Variants in FOCAD observed in about 807,000 individuals in gnomAD.
FOCAD encodes the protein focadhesin, also known as KIAA1797.
Under a neutral mutation model 225.6 loss-of-function variants are expected in FOCAD, and 198 were observed. That is an observed-to-expected ratio of 0.88 (90% CI 0.78 to 0.99). The LOEUF is 0.99. FOCAD is among the 50% of genes least tolerant of loss of function. The probability of loss-of-function intolerance (pLI) is 0.00; values close to 1 mark genes in which losing one functional copy is unlikely to be tolerated. For missense variants in FOCAD, 2,713 were observed against 2,123.6 expected (o/e 1.28, Z -5.46); for synonymous variants, 897 against 755.0 (o/e 1.19, Z -3.08).
chr9:20,862,510 C>T, intron 15 of FOCAD, 68 bp from the exon 16 acceptor site: 4 of 1,525,550 alleles, frequency 2.6e-6, no homozygotes, highest in African/African-American at 1.4e-5. Context: ...AAATATAGTA[C>T]TCTTAATTAA....
At chr9:20,664,060 T>G (rs1001917985) in intron 2 of FOCAD, among the ~76,000 whole-genome samples, 1 of 152,100 alleles carries the variant, frequency 6.6e-6, no homozygotes, top group Non-Finnish European at 1.5e-5. Flanking sequence ...AGTGAAAATA[T>G]CAGCATTGTT....
At chr9:20,660,015 A>G (rs534248734) in intron 2 of FOCAD, among the ~76,000 whole-genome samples, 24 of 152,352 alleles carry the variant, frequency 1.6e-4, no homozygotes, top group African/African-American at 5.5e-4. Context: ...CTGAAGTAAG[A>G]AATATAGGAA....
At chr9:20,835,721 G>A (rs1393770974) in intron 15 of FOCAD, among the ~76,000 whole-genome samples, 1 of 152,086 alleles carries the variant, frequency 6.6e-6, no homozygotes, top group East Asian at 1.9e-4. Context: ...GTCTCCCAAA[G>A]TCTTGAGATG....
At chr9:20,732,944 A>T (rs55723044) in intron 4 of FOCAD, among the ~76,000 whole-genome samples, 45,953 of 151,972 alleles carry the variant, frequency 0.3, 7,712 homozygotes, top group Non-Finnish European at 0.37. Flanking sequence ...TCAATTTTGG[A>T]TGTGTTGAAT....
At chr9:20,915,409 C>G (rs530966729) in intron 23 of FOCAD, among the ~76,000 whole-genome samples, 1 of 152,108 alleles carries the variant, frequency 6.6e-6, no homozygotes, top group Non-Finnish European at 1.5e-5. Context: ...AGAGTAAAAT[C>G]TTAAAAGCCA....
intron 2 of FOCAD, chr9:20,716,184 G>T: frequency 2.1e-6 from 1 of 468,488 alleles, no homozygotes; most frequent in South Asian, 1.6e-5. Context: ...ACCTGGCTGG[G>T]TTGGAGTCAT....
rs535871475 is a variant in FOCAD at position 20,740,337 on chromosome 9, T to G, written c.389T>G (p.Ile130Ser). 6.5e-7 allele frequency: 1 copy of G among 1,541,256 alleles called. No individual in the cohort carries two copies. Among genetic ancestry groups the G allele is most frequent in the Admixed American group, 2.0e-5 (1 of 50,868 alleles). ...GEKNIQSIYTIRNHPHPLITV... is the reference protein window; with the variant it reads ...GEKNIQSIYTSRNHPHPLITV... ...AAGAATATTCAGAGTATATATACCA[T>G]TAGGTAAGCCTTTTTTCTGTTTTTT... is the stretch of plus-strand genomic sequence containing the variant. Residue 130 changes from isoleucine to serine, a missense_variant, in exon 5 of 44, where the codon ATT (isoleucine) becomes AGT (serine). By Grantham distance (142) the Ile-to-Ser change is moderately radical. Coordinates refer to ENST00000338382, the MANE Select transcript of FOCAD (RefSeq NM_001375567.1).
chr9:20,728,189 C>A (rs1395248902), intron 4 of FOCAD, among the ~76,000 whole-genome samples: 1 of 151,966 alleles, frequency 6.6e-6, no homozygotes, highest in Non-Finnish European at 1.5e-5. Context: ...ACCCATACTC[C>A]CTCTCATTAT....
chr9:20,954,469 A>T lies in FOCAD; in HGVS notation c.4132+1404A>T, dbSNP rs1040351985. On this transcript the variant is annotated intron_variant, in intron 35 of 43. Coordinates refer to ENST00000338382, the MANE Select transcript of FOCAD (RefSeq NM_001375567.1). ...AAAAACTCTTAAGGTCAAGTAGAAG[A>T]TAGACTCTTTTTCTTTTCTAGTGAA... 5.3e-5 allele frequency among the ~76,000 whole-genome samples: 8 copies of T among 152,320 alleles called. No individual in the cohort carries two copies. In the East Asian group the frequency reaches 1.5e-3, roughly 29 times the overall value.
intron 20 of FOCAD, among the ~76,000 whole-genome samples, chr9:20,883,974 G>T (rs558159835): frequency 6.6e-6 from 1 of 152,144 alleles, no homozygotes; most frequent in Non-Finnish European, 1.5e-5. Flanking sequence ...TTAACTGACC[G>T]TTGTGGAAAG....
intron 28 of FOCAD, among the ~76,000 whole-genome samples, chr9:20,942,741 C>G (rs974175052): frequency 6.6e-6 from 1 of 152,094 alleles, no homozygotes; most frequent in Non-Finnish European, 1.5e-5. Flanking sequence ...GGGAAAAAAA[C>G]AGAAAAGGTA....
chr9:20,691,493 A>T (rs1191013711), intron 1 of FOCAD, among the ~76,000 whole-genome samples: 1 of 151,236 alleles, frequency 6.6e-6, no homozygotes, highest in Non-Finnish European at 1.5e-5. Context: ...TTTTATTATT[A>T]TTTTTTGAGA....
At chr9:20,761,231 C>A (rs879380704) in intron 6 of FOCAD, among the ~76,000 whole-genome samples, 1 of 152,074 alleles carries the variant, frequency 6.6e-6, no homozygotes, top group African/African-American at 2.4e-5. Context: ...TGACTTTAAC[C>A]TTTCAGGAAC....
At chr9:20,710,790 A>G (rs1277829191) in intron 1 of FOCAD, among the ~76,000 whole-genome samples, 3 of 152,088 alleles carry the variant, frequency 2.0e-5, no homozygotes, top group Non-Finnish European at 4.4e-5. Context: ...GGTATCATTT[A>G]TTTTGTTTAT....
intron 1 of FOCAD, among the ~76,000 whole-genome samples, chr9:20,706,981 C>G (rs1015703868): frequency 6.6e-6 from 1 of 152,202 alleles, no homozygotes; most frequent in African/African-American, 2.4e-5. Flanking sequence ...AGACCCCAGC[C>G]TGGAAATGGC....
rs574434146 is a variant in FOCAD at position 20,778,781 on chromosome 9, A to G, written c.994+13A>G. 4.0e-6 allele frequency: 6 copies of G among 1,481,996 alleles called. No individual in the cohort carries two copies. In the African/African-American group the frequency reaches 5.5e-5, roughly 14 times the overall value. The allele number at this position is 1,481,996 out of a possible 1,614,324, so 91.8% of individuals were successfully genotyped here. ...ATCTTAAATCTAGGTAAATAAAAAT[A>G]CAGTCACTAGAGTAAAATGTAAATA... On this transcript the variant is annotated intron_variant, in intron 9 of 43. Coordinates refer to ENST00000338382, the MANE Select transcript of FOCAD (RefSeq NM_001375567.1).
chr9:20,779,384 CAAT>C (rs147300909), intron 9 of FOCAD, among the ~76,000 whole-genome samples: 5,790 of 152,242 alleles, frequency 0.038, 141 homozygotes, highest in African/African-American at 0.072. Context: ...ATCCACATAA[CAAT>C]GAGAGCTCTA....
chr9:20,820,430 T>G lies in FOCAD; in HGVS notation c.1662+5T>G, dbSNP rs770892422. On this transcript the variant is annotated splice_donor_5th_base_variant and intron_variant, in intron 13 of 43. Coordinates refer to ENST00000338382, the MANE Select transcript of FOCAD (RefSeq NM_001375567.1). ...ACATCTTTGTGGGAAAAGCAGGTAA[T>G]TTCAGATATACACTTGCATGAGTAT... The G allele has an allele frequency of 2.6e-5, 42 of 1,608,682 alleles. No individual in the cohort carries two copies. The highest frequency in any genetic ancestry group is 3.3e-5 in the Non-Finnish European group (39 of 1,175,790).
At chr9:20,808,124 G>A (rs1396823288) in intron 11 of FOCAD, among the ~76,000 whole-genome samples, 1 of 152,146 alleles carries the variant, frequency 6.6e-6, no homozygotes, top group Non-Finnish European at 1.5e-5. Context: ...TTCTGCAGTG[G>A]AACAGAAACC....
Sources: gnomAD v4.1 joint callset for allele counts (sites outside exome capture counted in the v4.1 genomes callset) on GRCh38, gnomAD v4.1.1 for gene constraint, MANE v1.5 for transcripts, NCBI Gene and HGNC (gene_info 2026-07-23, HGNC 2026-07-21) for gene names.